Variants in PCDH15 observed in about 807,000 individuals in gnomAD.
PCDH15 encodes the protein protocadherin related 15, also known as protocadherin-15.
Under a neutral mutation model 178.5 loss-of-function variants are expected in PCDH15, and 129 were observed. The ratio of observed to expected loss-of-function variants is 0.72; its 90% CI spans 0.63 to 0.84. The LOEUF is 0.84. Among genes scored for constraint, PCDH15 ranks in the 40% least tolerant of loss-of-function variants. The pLI, the probability that PCDH15 is intolerant of heterozygous loss-of-function variation, is 0.00. For missense variants in PCDH15, 2,230 were observed against 2,099.9 expected (o/e 1.06, Z -1.21); for synonymous variants, 800 against 732.0 (o/e 1.09, Z -1.50).
intron 3 of PCDH15, among the ~76,000 whole-genome samples, chr10:54,513,878 G>C (rs762248592): frequency 1.4e-4 from 22 of 152,152 alleles, no homozygotes; most frequent in Non-Finnish European, 2.8e-4. Flanking sequence ...CACAGAAATT[G>C]CATGTAATAT....
chr10:55,314,368 C>A (rs1447633565), intron 1 of PCDH15, among the ~76,000 whole-genome samples: 2 of 151,630 alleles, frequency 1.3e-5, no homozygotes, highest in East Asian at 3.9e-4. Context: ...CATTTAACTG[C>A]TGAAGAAAAA....
chr10:55,390,368 T>G (rs1003251060), intron 2 of PCDH15, among the ~76,000 whole-genome samples: 1 of 152,176 alleles, frequency 6.6e-6, no homozygotes, highest in African/African-American at 2.4e-5. Flanking sequence ...GGGGTGGCTA[T>G]GACAATTCAT....
chr10:54,702,107 T>G lies in PCDH15; in HGVS notation c.-28-37817A>C, dbSNP rs868428168. 3.9e-5 allele frequency among the ~76,000 whole-genome samples: 6 copies of G among 152,154 alleles called. 1 individual carries two copies. Among genetic ancestry groups the G allele is most frequent in the South Asian group, 4.1e-4 (2 of 4,824 alleles). ...AAAATTGAAATCATACCAACTGCAC[T>G]GTCAGACCACAGCACAATAAAAATG... On this transcript the variant is annotated intron_variant, in intron 1 of 37. Transcript: ENST00000644397.
At chr10:54,433,077 T>G (rs1450160745) in intron 3 of PCDH15, among the ~76,000 whole-genome samples, 1 of 152,062 alleles carries the variant, frequency 6.6e-6, no homozygotes, top group Non-Finnish European at 1.5e-5. Flanking sequence ...TAATGAATGC[T>G]GGAGAGGATG....
chr10:54,453,058 G>T (rs1031799097), intron 3 of PCDH15, among the ~76,000 whole-genome samples: 1 of 152,044 alleles, frequency 6.6e-6, no homozygotes, highest in Non-Finnish European at 1.5e-5. Flanking sequence ...CTGTTGGTGC[G>T]ACTGTAAACT....
At position 55,233,602 on chromosome 10, in the gene PCDH15, A is replaced by AT. The variant is rs555902457; in HGVS notation, c.-155-66952dup. Among the ~76,000 whole-genome samples, 615 of 151,916 alleles carry AT rather than the reference A, an allele frequency of 4.0e-3. 8 individuals carry two copies. Among genetic ancestry groups the AT allele is most frequent in the African/African-American group, 0.014 (578 of 41,392 alleles). ...CTCAAATATTTGAGTAAACTTTACC[A>AT]TTTTTTTCTCCTAACAATCTACCAG... On this transcript the variant is annotated intron_variant, in intron 1 of 5. Coordinates refer to the PCDH15 transcript ENST00000458638.
chr10:54,687,955 T>G lies in PCDH15; in HGVS notation c.-28-23665A>C, dbSNP rs552958741. Among the ~76,000 whole-genome samples, 34 of 152,040 alleles carry G rather than the reference T, an allele frequency of 2.2e-4. 1 individual carries two copies. Among genetic ancestry groups the G allele is most frequent in the Non-Finnish European group, 4.6e-4 (31 of 67,996 alleles). ...GCCAGGTAAAAAAGCCCTAGAGATCTGCCAAACAACATTATGTCTATAGTC... is the reference window on the plus strand; with the variant it reads ...GCCAGGTAAAAAAGCCCTAGAGATCGGCCAAACAACATTATGTCTATAGTC... On this transcript the variant is annotated intron_variant, in intron 1 of 37. Transcript: ENST00000644397.
At chr10:54,013,225 T>C (rs561726892) in intron 20 of PCDH15, among the ~76,000 whole-genome samples, 3 of 152,268 alleles carry the variant, frequency 2.0e-5, no homozygotes, top group East Asian at 3.9e-4. Flanking sequence ...CCCAAATATA[T>C]ATGCATCCAA....
chr10:54,982,118 G>A (rs111234154), intron 2 of PCDH15, among the ~76,000 whole-genome samples: 23 of 151,936 alleles, frequency 1.5e-4, no homozygotes, highest in Middle Eastern at 3.4e-3. Flanking sequence ...CTTCAGAGCC[G>A]TTCAAAAAAC....
intron 2 of PCDH15, among the ~76,000 whole-genome samples, chr10:54,603,271 T>C (rs972354486): frequency 7.2e-5 from 11 of 151,996 alleles, no homozygotes; most frequent in Non-Finnish European, 1.0e-4. Flanking sequence ...GTCTTCTCTC[T>C]CTCTTTGGTT....
intron 18 of PCDH15, among the ~76,000 whole-genome samples, chr10:54,025,891 A>G (rs1285334931): frequency 2.1e-4 from 31 of 151,218 alleles, no homozygotes; most frequent in Admixed American, 6.6e-5. Flanking sequence ...TTTCTGACCT[A>G]CTCTTCAGGC....
chr10:55,616,519 C>A (rs1305494394), intron 2 of PCDH15, among the ~76,000 whole-genome samples: 160 of 127,344 alleles, frequency 1.3e-3, no homozygotes, highest in Middle Eastern at 4.2e-3. Flanking sequence ...CTGAAATTAG[C>A]AAAAAAAAAA....
At chr10:55,391,536 G>A (rs1837792883) in intron 2 of PCDH15, among the ~76,000 whole-genome samples, 1 of 152,072 alleles carries the variant, frequency 6.6e-6, no homozygotes, top group Non-Finnish European at 1.5e-5. Flanking sequence ...GCCCAGGATG[G>A]ATTGGAATGG....
At chr10:54,764,016 A>G (rs940961203) in intron 1 of PCDH15, among the ~76,000 whole-genome samples, 1 of 151,940 alleles carries the variant, frequency 6.6e-6, no homozygotes, top group Admixed American at 6.6e-5. Context: ...CGAAGAAGAA[A>G]AAGATCTTTT....
At chr10:53,860,008 G>A (rs1254810874) in intron 27 of PCDH15, among the ~76,000 whole-genome samples, 1 of 152,100 alleles carries the variant, frequency 6.6e-6, no homozygotes, top group African/African-American at 2.4e-5. Flanking sequence ...AATTCCATAT[G>A]TCTACCATTA....
At chr10:54,097,723 C>T (rs2094725773) in intron 15 of PCDH15, among the ~76,000 whole-genome samples, 1 of 151,946 alleles carries the variant, frequency 6.6e-6, no homozygotes, top group South Asian at 2.1e-4. Context: ...AGTTATAAGC[C>T]TTAATGATTA....
intron 18 of PCDH15, among the ~76,000 whole-genome samples, chr10:54,038,013 G>A (rs930879239): frequency 6.6e-6 from 1 of 151,784 alleles, no homozygotes; most frequent in Non-Finnish European, 1.5e-5. Flanking sequence ...GAAAAGACTG[G>A]GCTCAGAGGA....
intron 2 of PCDH15, among the ~76,000 whole-genome samples, chr10:55,117,869 T>C (rs2132062806): frequency 6.6e-6 from 1 of 152,282 alleles, no homozygotes; most frequent in Middle Eastern, 3.4e-3. Flanking sequence ...ATATTCAGCT[T>C]AAATTAGATC....
chr10:54,117,487 G>A (rs4007262), intron 15 of PCDH15, among the ~76,000 whole-genome samples: 46,722 of 151,890 alleles, frequency 0.31, 7,288 homozygotes, highest in Middle Eastern at 0.38. Flanking sequence ...TTGTGGTGTC[G>A]GGGATGGGGT....
Sources: gnomAD v4.1 joint callset for allele counts (sites outside exome capture counted in the v4.1 genomes callset) on GRCh38, gnomAD v4.1.1 for gene constraint, MANE v1.5 for transcripts, NCBI Gene and HGNC (gene_info 2026-07-23, HGNC 2026-07-21) for gene names.